The following DGLUCY variants were observed in gnomAD, a reference collection of about 807,000 sequenced individuals.
DGLUCY encodes the protein D-glutamate cyclase, mitochondrial.
In DGLUCY, 58 loss-of-function variants were observed where a neutral mutation model predicts 58.5. The ratio of observed to expected loss-of-function variants is 0.99; its 90% CI spans 0.80 to 1.23. DGLUCY has a LOEUF of 1.23. Ranked by LOEUF, DGLUCY falls within the 50% of genes most tolerant of loss-of-function variation. The probability of loss-of-function intolerance (pLI) is 0.00; values close to 1 mark genes in which losing one functional copy is unlikely to be tolerated. For synonymous variants in DGLUCY, 325 were observed against 314.1 expected (o/e 1.03, Z -0.37); for missense variants, 779 against 784.7 (o/e 0.99, Z 0.09).
intron 1 of DGLUCY, among the ~76,000 whole-genome samples, chr14:91,102,736 A>AGTGTGTGTGTGTGTGTGTGTGTGTGT (rs1288611586): frequency 1.2e-4 from 7 of 60,810 alleles, no homozygotes; most frequent in East Asian, 6.2e-4. Context: ...GACCCCTTCC[A>AGTGTGTGTGTGTGTGTGTGTGTGTGT]GTGTGTATGT....
At chr14:91,178,226 C>T (rs529482537) in intron 7 of DGLUCY, among the ~76,000 whole-genome samples, 2 of 152,026 alleles carry the variant, frequency 1.3e-5, no homozygotes, top group South Asian at 4.1e-4. Flanking sequence ...AGTGCAGTGG[C>T]ACGATCACAG....
At chr14:91,169,033 G>A (rs1226054328) in intron 4 of DGLUCY, among the ~76,000 whole-genome samples, 2 of 151,952 alleles carry the variant, frequency 1.3e-5, no homozygotes, top group South Asian at 2.1e-4. Context: ...GTTGCAGTGA[G>A]CCGAGGTTGC....
intron 8 of DGLUCY, among the ~76,000 whole-genome samples, chr14:91,181,598 T>C (rs1468047523): frequency 6.6e-6 from 1 of 152,128 alleles, no homozygotes; most frequent in Non-Finnish European, 1.5e-5. Context: ...GTAGTGGTAT[T>C]GTGAGTGATT....
intron 1 of DGLUCY, among the ~76,000 whole-genome samples, chr14:91,068,750 A>G (rs2043868488): frequency 6.6e-6 from 1 of 152,252 alleles, no homozygotes; most frequent in Non-Finnish European, 1.5e-5. Context: ...GAATACAAAA[A>G]GAAAGCAAAG....
intron 1 of DGLUCY, among the ~76,000 whole-genome samples, chr14:91,074,116 T>TACACAC (rs1280375718): frequency 0.03 from 2,340 of 77,292 alleles, 65 homozygotes; most frequent in Admixed American, 0.047. Flanking sequence ...TATATATATA[T>TACACAC]ATACACACAC....
intron 1 of DGLUCY, among the ~76,000 whole-genome samples, chr14:91,093,674 GCATGCCTGTAATCC>G (rs1385775016): frequency 6.6e-6 from 1 of 151,946 alleles, no homozygotes; most frequent in Non-Finnish European, 1.5e-5. Flanking sequence ...TTGTGTTGGT[GCATGCCTGTAATCC>G]CAGCTTCTTG....
intron 13 of DGLUCY, chr14:91,216,016 G>A: frequency 6.7e-6 from 2 of 300,504 alleles, no homozygotes; most frequent in South Asian, 3.0e-5. Flanking sequence ...GTGCTAAGGG[G>A]GACAGACAAG....
intron 1 of DGLUCY, among the ~76,000 whole-genome samples, chr14:91,154,384 A>G (rs903264839): frequency 1.3e-5 from 2 of 152,144 alleles, no homozygotes; most frequent in African/African-American, 2.4e-5. Context: ...AGAGGAAGCA[A>G]TCAGATATGC....
intron 1 of DGLUCY, among the ~76,000 whole-genome samples, chr14:91,102,537 A>G (rs2044505598): frequency 6.6e-6 from 1 of 152,176 alleles, no homozygotes; most frequent in Non-Finnish European, 1.5e-5. Flanking sequence ...CATTGAGGGT[A>G]GAGGCAGATG....
intron 9 of DGLUCY, among the ~76,000 whole-genome samples, chr14:91,190,770 G>A (rs373784303): frequency 6.6e-5 from 10 of 152,204 alleles, no homozygotes; most frequent in East Asian, 5.8e-4. Context: ...ACAGGGCCTC[G>A]CAGGACCCTG....
chr14:91,158,234 C>T (rs1167822144), intron 2 of DGLUCY, among the ~76,000 whole-genome samples: 1 of 152,178 alleles, frequency 6.6e-6, no homozygotes, highest in Non-Finnish European at 1.5e-5. Flanking sequence ...TAGGCAAGCC[C>T]AGGCCTGACC....
At chr14:91,087,314 C>A (rs867925639) in intron 1 of DGLUCY, among the ~76,000 whole-genome samples, 3 of 152,068 alleles carry the variant, frequency 2.0e-5, no homozygotes, top group Middle Eastern at 3.4e-3. Context: ...CCTACAGAAC[C>A]CCCCCTGTCT....
At chr14:91,172,866 C>G (rs149088689) in intron 5 of DGLUCY, among the ~76,000 whole-genome samples, 1 of 152,082 alleles carries the variant, frequency 6.6e-6, no homozygotes, top group East Asian at 1.9e-4. Context: ...AGGCTGGTCT[C>G]GAACTCCTGA....
intron 11 of DGLUCY, among the ~76,000 whole-genome samples, chr14:91,201,321 A>G (rs1327317763): frequency 6.8e-6 from 1 of 146,126 alleles, no homozygotes; most frequent in East Asian, 2.0e-4. Flanking sequence ...TTTTTTTGAG[A>G]TGGAGTCTCA....
At chr14:91,184,447 G>A (rs2049360916) in intron 8 of DGLUCY, among the ~76,000 whole-genome samples, 1 of 151,208 alleles carries the variant, frequency 6.6e-6, no homozygotes, top group South Asian at 2.1e-4. Context: ...CCAGCTACTG[G>A]GGAGGCTGAG....
At chr14:91,135,926 C>CTTTT (rs34202137) in intron 1 of DGLUCY, among the ~76,000 whole-genome samples, 5 of 51,178 alleles carry the variant, frequency 9.8e-5, no homozygotes, top group Non-Finnish European at 1.8e-4. Flanking sequence ...GATACATTAG[C>CTTTT]TTTTTTTTTT....
At chr14:91,204,339 A>G (rs193005355) in intron 11 of DGLUCY, among the ~76,000 whole-genome samples, 1,627 of 152,318 alleles carry the variant, frequency 0.011, 20 homozygotes, top group Admixed American at 0.023. Flanking sequence ...CTGACTTTGC[A>G]CCAGATCCCC....
intron 3 of DGLUCY, among the ~76,000 whole-genome samples, chr14:91,164,064 C>T (rs567565148): frequency 1.3e-5 from 2 of 152,168 alleles, no homozygotes; most frequent in Non-Finnish European, 2.9e-5. Flanking sequence ...ATTCTCCTGT[C>T]TCAGCCTCCC....
chr14:91,143,257 G>A lies in DGLUCY; in HGVS notation c.-81-14382G>A, dbSNP rs527583417. On this transcript the variant is annotated intron_variant, in intron 1 of 13. Transcript: ENST00000256324. The stretch of plus-strand genomic sequence containing the variant: ...ACTACAGGCGCCCTCCACCACGCCC[G>A]GCTAATTTTTTGTATTTTTAGTAGA... Among the ~76,000 whole-genome samples, 396 of 151,532 alleles carry A rather than the reference G, an allele frequency of 2.6e-3. 4 individuals carry two copies. The highest frequency in any genetic ancestry group is 9.3e-3 in the African/African-American group (384 of 41,342).
Sources: gnomAD v4.1 joint callset for allele counts (sites outside exome capture counted in the v4.1 genomes callset) on GRCh38, gnomAD v4.1.1 for gene constraint, MANE v1.5 for transcripts, NCBI Gene and HGNC (gene_info 2026-07-23, HGNC 2026-07-21) for gene names.